Variants in SETDB2 observed in about 807,000 individuals in gnomAD.
SETDB2 encodes the protein SET domain bifurcated histone lysine methyltransferase 2.
SETDB2 carries 56 observed loss-of-function variants against 82.5 expected under a neutral mutation model. That is an observed-to-expected ratio of 0.68 (90% CI 0.55 to 0.85). SETDB2 has a LOEUF of 0.85. SETDB2 is among the 40% of genes least tolerant of loss of function. The pLI is 0.00. For synonymous variants in SETDB2, 272 were observed against 284.9 expected, an observed-to-expected ratio of 0.95 and a Z score of 0.46; for missense variants, 677 against 816.4, an observed-to-expected ratio of 0.83 and a Z score of 2.08.
chr13:49,450,463 G>T (rs1415057884), intron 1 of SETDB2, among the ~76,000 whole-genome samples: 2 of 152,102 alleles, frequency 1.3e-5, no homozygotes, highest in Admixed American at 6.6e-5. Flanking sequence ...TTTCATGGAT[G>T]AGATTTCCTT....
chr13:49,471,859 C>G (rs564388468), intron 5 of SETDB2, among the ~76,000 whole-genome samples: 1 of 149,700 alleles, frequency 6.7e-6, no homozygotes, highest in South Asian at 2.1e-4. Flanking sequence ...CATGACCAAA[C>G]ATAGCTGCCC....
At chr13:49,472,675 T>G (rs1958274337) in intron 5 of SETDB2, among the ~76,000 whole-genome samples, 2 of 152,200 alleles carry the variant, frequency 1.3e-5, no homozygotes, top group African/African-American at 4.8e-5. Flanking sequence ...TTAAGACTTG[T>G]AAGTTGGGTT....
At chr13:49,483,179 T>C (rs1566173511) in intron 9 of SETDB2, among the ~76,000 whole-genome samples, 2 of 152,310 alleles carry the variant, frequency 1.3e-5, no homozygotes, top group South Asian at 2.1e-4. Context: ...TATATGACTT[T>C]AGTCAGGTTT....
At chr13:49,446,094 G>C (rs1240966603) in intron 1 of SETDB2, 1 of 282,162 alleles carries the variant, frequency 3.5e-6, no homozygotes, top group Non-Finnish European at 6.9e-6. Context: ...GTGTGCTTAG[G>C]TGGAAGTATA....
chr13:49,489,562 C>G lies in SETDB2; in HGVS notation c.1917+932C>G, dbSNP rs1437023525. 2.0e-5 allele frequency among the ~76,000 whole-genome samples: 3 copies of G among 147,636 alleles called. No individual in the cohort carries two copies. In the South Asian group the frequency reaches 6.3e-4, roughly 31 times the overall value. On this transcript the variant is annotated intron_variant, in intron 12 of 13. Transcript: ENST00000611815. ...CTGTGCTCCTGTTCCCATGCCCCGA[C>G]TCCACCTTCTCTCTGTAGGTCATCA...
At chr13:49,462,002 AG>A (rs1229170302) in intron 4 of SETDB2, among the ~76,000 whole-genome samples, 7 of 152,270 alleles carry the variant, frequency 4.6e-5, no homozygotes, top group Non-Finnish European at 1.0e-4. Flanking sequence ...AGAGGTACAA[AG>A]GGCAAAGTTG....
In SETDB2 at chr13:49,476,668, A is replaced by G; in HGVS notation, c.498A>G (p.Ala166=). The G allele has an allele frequency of 6.2e-7, 1 of 1,614,220 alleles. No homozygotes were observed. The highest frequency in any genetic ancestry group is 2.2e-5 in the East Asian group (1 of 44,882). ...PIKCHFQRRH[A]KTNSHSSALH... ...AATGTCACTTCCAAAGACGACATGC[A>G]AAGACAAACTCTCATTCTTCAGCAC... Residue 166 remains alanine (A), a synonymous_variant, in exon 6 of 14, where the codon GCA becomes GCG. Coordinates refer to ENST00000611815, the MANE Select transcript of SETDB2 (RefSeq NM_001160308.3).
intron 2 of SETDB2, among the ~76,000 whole-genome samples, chr13:49,455,486 C>T (rs563593160): frequency 8.6e-5 from 13 of 152,028 alleles, no homozygotes; most frequent in Non-Finnish European, 1.5e-4. Flanking sequence ...GCAGATCTTC[C>T]AAATGTTGAC....
intron 2 of SETDB2, among the ~76,000 whole-genome samples, chr13:49,459,517 A>T (rs2138853751): frequency 6.6e-6 from 1 of 152,252 alleles, no homozygotes; most frequent in Non-Finnish European, 1.5e-5. Context: ...GCTTTTGACA[A>T]CTTATAATTG....
intron 4 of SETDB2, among the ~76,000 whole-genome samples, chr13:49,462,065 C>T (rs1442926385): frequency 6.6e-6 from 1 of 152,164 alleles, no homozygotes; most frequent in African/African-American, 2.4e-5. Context: ...TGGGGTGTAC[C>T]ACCCTCCCAG....
chr13:49,454,479 CAGTA>C (rs1166541019), intron 2 of SETDB2, among the ~76,000 whole-genome samples: 1 of 152,072 alleles, frequency 6.6e-6, no homozygotes, highest in Non-Finnish European at 1.5e-5. Flanking sequence ...AACTAGAGTA[CAGTA>C]AGTAAGTAAG....
chr13:49,473,122 A>T (rs1217994257), intron 5 of SETDB2, among the ~76,000 whole-genome samples: 1 of 152,228 alleles, frequency 6.6e-6, no homozygotes, highest in Non-Finnish European at 1.5e-5. Context: ...TTAAGAACTA[A>T]GGATAACCCA....
chr13:49,484,632 A>C (rs1427304980), intron 10 of SETDB2, among the ~76,000 whole-genome samples: 2 of 152,228 alleles, frequency 1.3e-5, no homozygotes, highest in Admixed American at 6.5e-5. Flanking sequence ...TCCAGAAAAC[A>C]GTATTTTATG....
intron 5 of SETDB2, among the ~76,000 whole-genome samples, chr13:49,475,160 G>A (rs1958329929): frequency 6.6e-6 from 1 of 152,164 alleles, no homozygotes; most frequent in Non-Finnish European, 1.5e-5. Context: ...ATGGTGACAG[G>A]CAAAGAGCTT....
intron 6 of SETDB2, among the ~76,000 whole-genome samples, chr13:49,479,341 T>C (rs1005645659): frequency 1.3e-5 from 2 of 152,242 alleles, no homozygotes; most frequent in East Asian, 3.8e-4. Flanking sequence ...TTATTATCTG[T>C]ATTTTTCTGT....
chr13:49,472,040 G>A (rs1958260366), intron 5 of SETDB2, among the ~76,000 whole-genome samples: 1 of 149,648 alleles, frequency 6.7e-6, no homozygotes, highest in Non-Finnish European at 1.5e-5. Flanking sequence ...CACAGTGCTG[G>A]GATTACAGGC....
Position 49,491,906 on chromosome 13 carries a change from G to A in SETDB2, c.*57G>A, listed in dbSNP as rs565820138. The A allele has an allele frequency of 2.0e-5, 24 of 1,192,250 alleles. No individual in the cohort carries two copies. In the Admixed American group the frequency reaches 4.0e-4, roughly 20 times the overall value. 73.9% of individuals were successfully genotyped at this position (1,192,250 alleles called of 1,614,324 possible). A position where few individuals can be genotyped will look rare whatever the true frequency, so the allele number is the denominator to read the frequency against. ...CTTATCAGGCTGAAATTAAAGCCATGCAAAAGAAGGTCTAGGTCCATCAAG... is the reference window on the plus strand; with the variant it reads ...CTTATCAGGCTGAAATTAAAGCCATACAAAAGAAGGTCTAGGTCCATCAAG... On this transcript the variant is annotated 3_prime_UTR_variant, in exon 14 of 14. Coordinates refer to ENST00000611815, the MANE Select transcript of SETDB2 (RefSeq NM_001160308.3).
rs35468680 is a variant in SETDB2, at chr13:49,471,934, ATTTTTTT to A, written c.305+3983_305+3989del. 9.2e-5 allele frequency among the ~76,000 whole-genome samples: 11 copies of A among 119,252 alleles called. 1 individual carries two copies. Among genetic ancestry groups the A allele is most frequent in the East Asian group, 7.2e-4 (3 of 4,142 alleles). The allele number at this position is 119,252 out of a possible 152,430, so 78.2% of individuals were successfully genotyped here. On this transcript the variant is annotated intron_variant, in intron 5 of 13. Coordinates refer to ENST00000611815, the MANE Select transcript of SETDB2 (RefSeq NM_001160308.3). Reference sequence around the variant, plus strand: ...GTGACATATATATATATATATATATATTTTTTTTTTTTTTTAAATAGAGACAGGGTCT... The same window carrying A: ...GTGACATATATATATATATATATATATTTTTTTTAAATAGAGACAGGGTCT...
intron 5 of SETDB2, among the ~76,000 whole-genome samples, chr13:49,474,132 C>T (rs1205562356): frequency 1.3e-5 from 2 of 152,302 alleles, no homozygotes; most frequent in East Asian, 3.9e-4. Context: ...TGTGGTGGCA[C>T]ATGCCTGTAA....
Sources: gnomAD v4.1 joint callset for allele counts (sites outside exome capture counted in the v4.1 genomes callset) on GRCh38, gnomAD v4.1.1 for gene constraint, MANE v1.5 for transcripts, NCBI Gene and HGNC (gene_info 2026-07-23, HGNC 2026-07-21) for gene names.